Variants in CALN1 observed in about 807,000 individuals in gnomAD.
The protein encoded by CALN1 is calneuron 1.
In CALN1, 17 loss-of-function variants were observed where a neutral mutation model predicts 30.6. That is an observed-to-expected ratio of 0.56 (90% CI 0.38 to 0.83). The LOEUF (loss-of-function observed/expected upper bound fraction) is 0.83. CALN1 is among the 40% of genes least tolerant of loss of function. The pLI is 0.00. For missense variants in CALN1, 291 were observed against 354.9 expected (o/e 0.82, Z 1.45); for synonymous variants, 156 against 131.4 (o/e 1.19, Z -1.28).
chr7:71,883,981 T>C (rs999888372), intron 5 of CALN1, among the ~76,000 whole-genome samples: 1 of 152,204 alleles, frequency 6.6e-6, no homozygotes, highest in African/African-American at 2.4e-5. Flanking sequence ...TGGCGCGATC[T>C]TGGCTCACTG....
Position 71,780,709 on chromosome 7 carries a change from A to G in CALN1, c.*7066T>C, listed in dbSNP as rs989668985. 6.6e-6 allele frequency: 1 copy of G among 151,920 alleles called. No homozygotes were observed. The highest frequency in any genetic ancestry group is 6.6e-5 in the Admixed American group (1 of 15,258). The allele number at this position is 151,920 out of a possible 1,614,324, so 9.4% of individuals were successfully genotyped here. On this transcript the variant is annotated 3_prime_UTR_variant, in exon 7 of 7. Coordinates refer to ENST00000395275, the MANE Select transcript of CALN1 (RefSeq NM_031468.4). ...GTTATAGTGGCCAGAAAAAAAAAAA[A>G]GCAAAGAAAGAAATAACTGGAAATT... is the stretch of plus-strand genomic sequence containing the variant.
the CALN1 span, among the ~76,000 whole-genome samples, chr7:72,501,146 G>A: frequency 6.6e-6 from 1 of 151,930 alleles, no homozygotes; most frequent in East Asian, 1.9e-4. Flanking sequence ...AAGACACCAG[G>A]ATTGGAGATA....
intron 4 of CALN1, among the ~76,000 whole-genome samples, chr7:72,097,657 A>C (rs1471362460): frequency 6.6e-6 from 1 of 151,954 alleles, no homozygotes; most frequent in African/African-American, 2.4e-5. Context: ...CAAAAAAAAA[A>C]AAAAAAATTA....
the CALN1 span, among the ~76,000 whole-genome samples, chr7:72,472,370 G>A: frequency 6.6e-6 from 1 of 152,104 alleles, no homozygotes; most frequent in South Asian, 2.1e-4. Context: ...GCCTGGGATC[G>A]AGCCCCATGA....
At chr7:71,899,298 C>T (rs1317346003) in intron 5 of CALN1, among the ~76,000 whole-genome samples, 3 of 152,086 alleles carry the variant, frequency 2.0e-5, no homozygotes, top group Admixed American at 6.6e-5. Context: ...CATGTGCCAC[C>T]GTGCCTGGCG....
chr7:72,317,595 G>A (rs1800573463), intron 2 of CALN1, among the ~76,000 whole-genome samples: 1 of 152,148 alleles, frequency 6.6e-6, no homozygotes, highest in South Asian at 2.1e-4. Context: ...TGTGACCACA[G>A]GGCGAACTGG....
At chr7:72,441,687 C>T (rs1159407648) in intron 1 of CALN1, among the ~76,000 whole-genome samples, 3 of 151,110 alleles carry the variant, frequency 2.0e-5, no homozygotes, top group East Asian at 1.9e-4. Flanking sequence ...ACAAACAGGG[C>T]GAATCGTCTT....
At chr7:71,874,032 T>C (rs1018248570) in intron 5 of CALN1, among the ~76,000 whole-genome samples, 5 of 152,280 alleles carry the variant, frequency 3.3e-5, no homozygotes, top group Admixed American at 3.3e-4. Context: ...CCCAGCACTT[T>C]GGGAGGCTGA....
chr7:71,801,548 T>G (rs6955664), intron 6 of CALN1, among the ~76,000 whole-genome samples: 24,522 of 151,960 alleles, frequency 0.16, 2,881 homozygotes, highest in East Asian at 0.6. Context: ...AAAAATGACT[T>G]CACTTTGTGG....
intron 5 of CALN1, among the ~76,000 whole-genome samples, chr7:71,890,714 G>A (rs1333441524): frequency 6.9e-6 from 1 of 143,926 alleles, no homozygotes; most frequent in Non-Finnish European, 1.5e-5. Flanking sequence ...TTTTAACATT[G>A]TTAAGGTCAA....
chr7:72,081,327 T>G (rs1421816829), intron 4 of CALN1, among the ~76,000 whole-genome samples: 1 of 151,096 alleles, frequency 6.6e-6, no homozygotes, highest in Admixed American at 6.6e-5. Flanking sequence ...CAATTACGGT[T>G]AGAATTGCAG....
upstream of CALN1, among the ~76,000 whole-genome samples, chr7:72,449,376 C>A (rs1271736268): frequency 4.6e-5 from 7 of 152,178 alleles, no homozygotes; most frequent in African/African-American, 1.4e-4. Context: ...CCACAATCTC[C>A]CAGATCCTAG....
intron 3 of CALN1, among the ~76,000 whole-genome samples, chr7:72,109,089 A>C (rs1807380734): frequency 6.6e-6 from 1 of 152,162 alleles, no homozygotes; most frequent in Non-Finnish European, 1.5e-5. Context: ...TTCCCCGCCC[A>C]CATTGTAGGA....
intron 2 of CALN1, among the ~76,000 whole-genome samples, chr7:72,367,732 A>G (rs2944795): frequency 0.98 from 149,885 of 152,332 alleles, 73,779 homozygotes; most frequent in Middle Eastern, 1. Context: ...CTATTCAGGA[A>G]GCTGAGGCAA....
chr7:72,372,197 C>A (rs2129560367), intron 2 of CALN1, among the ~76,000 whole-genome samples: 1 of 152,178 alleles, frequency 6.6e-6, no homozygotes, highest in East Asian at 1.9e-4. Context: ...GCACCTCAGC[C>A]CCCAAATAAT....
intron 5 of CALN1, among the ~76,000 whole-genome samples, chr7:71,890,022 A>C (rs1203731264): frequency 6.6e-6 from 1 of 152,094 alleles, no homozygotes; most frequent in African/African-American, 2.4e-5. Context: ...AGAGAAACAC[A>C]ACAGTGGCTG....
At chr7:72,419,579 G>T (rs1403335840) in intron 1 of CALN1, among the ~76,000 whole-genome samples, 1 of 152,116 alleles carries the variant, frequency 6.6e-6, no homozygotes, top group Non-Finnish European at 1.5e-5. Context: ...ATATAGAATG[G>T]CTGGGCTCCT....
chr7:72,074,785 T>A lies in CALN1; in HGVS notation c.388+31366A>T, dbSNP rs568234745. Among the ~76,000 whole-genome samples the A allele has an allele frequency of 3.3e-5, 5 of 152,212 alleles. No individual in the cohort carries two copies. The East Asian group carries it at 5.8e-4, about 18-fold the overall frequency. Reference sequence around the variant, plus strand: ...ACCTACTTGCCAAGCCCACAAACATTCACTTACTCCACTAATCAACAAATA... The same window carrying A: ...ACCTACTTGCCAAGCCCACAAACATACACTTACTCCACTAATCAACAAATA... On this transcript the variant is annotated intron_variant, in intron 4 of 6. Transcript: ENST00000395275.
intron 4 of CALN1, among the ~76,000 whole-genome samples, chr7:72,033,430 C>G (rs1164266620): frequency 6.6e-6 from 1 of 152,200 alleles, no homozygotes; most frequent in African/African-American, 2.4e-5. Context: ...CGCAGCTTAG[C>G]TTCCAGGGGC....
Sources: gnomAD v4.1 joint callset for allele counts (sites outside exome capture counted in the v4.1 genomes callset) on GRCh38, gnomAD v4.1.1 for gene constraint, MANE v1.5 for transcripts, NCBI Gene and HGNC (gene_info 2026-07-23, HGNC 2026-07-21) for gene names.